RIMS1: variants seen among roughly 807,000 people sequenced by gnomAD.
RIMS1 encodes regulating synaptic membrane exocytosis protein 1.
Under a neutral mutation model 214.1 loss-of-function variants are expected in RIMS1, and 83 were observed. The ratio of observed to expected loss-of-function variants is 0.39; its 90% CI spans 0.32 to 0.47. The LOEUF (loss-of-function observed/expected upper bound fraction) is 0.47. Ranked by LOEUF, RIMS1 falls within the 20% of genes least tolerant of loss-of-function variation. The probability of loss-of-function intolerance (pLI) is 0.99; values close to 1 mark genes in which losing one functional copy is unlikely to be tolerated. For synonymous variants in RIMS1, 793 were observed against 786.8 expected (o/e 1.01, Z -0.13); for missense variants, 2,050 against 2,161.8 (o/e 0.95, Z 1.03).
intron 6 of RIMS1, among the ~76,000 whole-genome samples, chr6:72,202,039 A>G (rs952684162): frequency 1.3e-5 from 2 of 152,118 alleles, no homozygotes; most frequent in African/African-American, 2.4e-5. Flanking sequence ...GGTTTATTGT[A>G]TTTAGCCATC....
intron 18 of RIMS1, among the ~76,000 whole-genome samples, chr6:72,260,274 T>C (rs1363463896): frequency 1.3e-5 from 2 of 152,114 alleles, no homozygotes; most frequent in Non-Finnish European, 2.9e-5. Flanking sequence ...TATTGCATTT[T>C]CAGTGGCTAT....
At chr6:72,221,686 G>A (rs1026211202) in intron 6 of RIMS1, among the ~76,000 whole-genome samples, 2 of 151,952 alleles carry the variant, frequency 1.3e-5, no homozygotes, top group African/African-American at 4.8e-5. Context: ...TTGAAATGGA[G>A]ATCAGACTTT....
chr6:72,092,115 A>C (rs1836389814), intron 2 of RIMS1, among the ~76,000 whole-genome samples: 1 of 152,186 alleles, frequency 6.6e-6, no homozygotes, highest in African/African-American at 2.4e-5. Flanking sequence ...TGACAACATG[A>C]GATATCAGAG....
intron 29 of RIMS1, among the ~76,000 whole-genome samples, chr6:72,374,596 A>T (rs963548240): frequency 2.0e-5 from 3 of 150,088 alleles, no homozygotes; most frequent in Admixed American, 2.0e-4. Context: ...TCTCAGTGCC[A>T]GTCTGAAATG....
chr6:71,969,680 G>A (rs972374439), intron 2 of RIMS1, among the ~76,000 whole-genome samples: 1 of 152,030 alleles, frequency 6.6e-6, no homozygotes, highest in Non-Finnish European at 1.5e-5. Context: ...GTGGTAGTGG[G>A]CATCTGTAAT....
chr6:72,074,594 A>G (rs1019966637), intron 2 of RIMS1, among the ~76,000 whole-genome samples: 1 of 152,164 alleles, frequency 6.6e-6, no homozygotes, highest in African/African-American at 2.4e-5. Context: ...GAGCCTGGGA[A>G]GTCGAAGCTG....
At chr6:71,914,939 T>A (rs1280350016) in intron 1 of RIMS1, among the ~76,000 whole-genome samples, 2 of 152,146 alleles carry the variant, frequency 1.3e-5, no homozygotes, top group East Asian at 3.9e-4. Flanking sequence ...CCTACATCAC[T>A]ATCAGAGTAC....
intron 29 of RIMS1, among the ~76,000 whole-genome samples, chr6:72,357,199 C>G (rs750145574): frequency 6.6e-6 from 1 of 152,152 alleles, no homozygotes; most frequent in Non-Finnish European, 1.5e-5. Context: ...TTCCCATTAA[C>G]CTTGCAGGTT....
intron 29 of RIMS1, among the ~76,000 whole-genome samples, chr6:72,352,178 T>C (rs4120882): frequency 0.19 from 29,270 of 152,118 alleles, 3,486 homozygotes; most frequent in South Asian, 0.27. Flanking sequence ...GTTCAGAATG[T>C]TTCTGTATAC....
At chr6:72,139,453 C>T (rs766302290) in intron 4 of RIMS1, among the ~76,000 whole-genome samples, 9 of 152,174 alleles carry the variant, frequency 5.9e-5, no homozygotes, top group Non-Finnish European at 1.2e-4. Flanking sequence ...ACCCACTGCT[C>T]CTACTCTGCA....
At chr6:72,299,406 A>C (rs2094408990) in intron 26 of RIMS1, among the ~76,000 whole-genome samples, 1 of 151,924 alleles carries the variant, frequency 6.6e-6, no homozygotes, top group Non-Finnish European at 1.5e-5. Context: ...ATAGGAACAA[A>C]GTAAATAGCA....
chr6:72,110,931 G>A (rs1040084391), intron 4 of RIMS1, among the ~76,000 whole-genome samples: 1 of 152,140 alleles, frequency 6.6e-6, no homozygotes, highest in Non-Finnish European at 1.5e-5. Flanking sequence ...ATCCTAAGAT[G>A]AATTAGTGGA....
chr6:72,218,556 T>C lies in RIMS1; in HGVS notation c.1679-15217T>C, dbSNP rs528442406. Reference sequence around the variant, plus strand: ...TGTGAGTCTAGCCTAATTAAATATATTTTTTAGTGAGGATGGAAGGATTTT... The same window carrying C: ...TGTGAGTCTAGCCTAATTAAATATACTTTTTAGTGAGGATGGAAGGATTTT... On this transcript the variant is annotated intron_variant, in intron 6 of 33. Transcript: ENST00000521978. 3.3e-5 allele frequency among the ~76,000 whole-genome samples: 5 copies of C among 152,318 alleles called. No homozygotes were observed. In the South Asian group the frequency reaches 1.0e-3, roughly 32 times the overall value.
intron 2 of RIMS1, among the ~76,000 whole-genome samples, chr6:72,060,755 A>T (rs1451030590): frequency 6.6e-6 from 1 of 152,150 alleles, no homozygotes; most frequent in African/African-American, 2.4e-5. Context: ...TAGACTCATA[A>T]CACTGATTTT....
In RIMS1 at chr6:72,324,025, T is replaced by TAGATA. The variant is rs879660789; in HGVS notation, c.4131-9575_4131-9574insAGATA. On this transcript the variant is annotated intron_variant, in intron 28 of 33. Coordinates refer to ENST00000521978, the MANE Select transcript of RIMS1 (RefSeq NM_014989.7). The stretch of plus-strand genomic sequence containing the variant: ...GGAAATAAATAAATGAGTGCATGCA[T>TAGATA]GCATAGATAGATAGATAGATAGATA... Among the ~76,000 whole-genome samples the TAGATA allele has an allele frequency of 3.0e-4, 43 of 141,090 alleles. 1 individual carries two copies. The highest frequency in any genetic ancestry group is 6.4e-4 in the African/African-American group (24 of 37,512). The allele number at this position is 141,090 out of a possible 152,430, so 92.6% of individuals were successfully genotyped here. A position where few individuals can be genotyped will look rare whatever the true frequency, so the allele number is the denominator to read the frequency against.
At position 72,024,342 on chromosome 6, in the gene RIMS1, A is replaced by G. The variant is rs190744153; in HGVS notation, c.245+55279A>G. On this transcript the variant is annotated intron_variant, in intron 2 of 33. Transcript: ENST00000521978. The stretch of plus-strand genomic sequence containing the variant: ...AAGATGCACTCCTACTTCTGAATCT[A>G]ATAGACTTTGACTTTATCAAAATTT... Among the ~76,000 whole-genome samples the G allele has an allele frequency of 9.4e-3, 1,433 of 152,252 alleles. 66 individuals carry two copies. The highest frequency in any genetic ancestry group is 0.08 in the Admixed American group (1,223 of 15,276).
In RIMS1 at chr6:72,043,180, G is replaced by A. The variant is rs73750328; in HGVS notation, c.246-53769G>A. On this transcript the variant is annotated intron_variant, in intron 2 of 33. Coordinates refer to ENST00000521978, the MANE Select transcript of RIMS1 (RefSeq NM_014989.7). The stretch of plus-strand genomic sequence containing the variant: ...CACACACACACACACACACACACAC[G>A]CCTGCAAGATCACTTACATCACTGA... Among the ~76,000 whole-genome samples, 457 of 137,688 alleles carry A rather than the reference G, an allele frequency of 3.3e-3. 1 individual carries two copies. Among genetic ancestry groups the A allele is most frequent in the African/African-American group, 0.012 (432 of 36,058 alleles). 90.3% of individuals were successfully genotyped at this position (137,688 alleles called of 152,430 possible). A position where few individuals can be genotyped will look rare whatever the true frequency, so the allele number is the denominator to read the frequency against.
At chr6:71,942,621 T>C (rs1786521112) in intron 1 of RIMS1, among the ~76,000 whole-genome samples, 1 of 152,156 alleles carries the variant, frequency 6.6e-6, no homozygotes, top group East Asian at 1.9e-4. Flanking sequence ...TTTAGATTCC[T>C]GGAGGGTTTT....
intron 4 of RIMS1, among the ~76,000 whole-genome samples, chr6:72,167,156 G>A (rs1024937904): frequency 6.6e-6 from 1 of 151,366 alleles, no homozygotes; most frequent in Non-Finnish European, 1.5e-5. Context: ...GTTGGATTTT[G>A]TCAATACTTT....
Sources: allele counts gnomAD v4.1 joint callset (sites outside exome capture counted in the v4.1 genomes callset), GRCh38; gene constraint gnomAD v4.1.1; transcripts MANE v1.5; gene names NCBI Gene and HGNC (gene_info 2026-07-23, HGNC 2026-07-21).